ASPH: variants seen among roughly 807,000 people sequenced by gnomAD.
ASPH encodes the protein aspartyl/asparaginyl beta-hydroxylase.
ASPH carries 100 observed loss-of-function variants against 118.4 expected under a neutral mutation model. That is an observed-to-expected ratio of 0.84 (90% CI 0.72 to 1.00). The LOEUF is 1.00. Ranked by LOEUF, ASPH falls within the 50% of genes least tolerant of loss-of-function variation. The pLI, the probability that ASPH is intolerant of heterozygous loss-of-function variation, is 0.00. For missense variants in ASPH, 920 were observed against 919.5 expected (o/e 1.00, Z -0.01); for synonymous variants, 315 against 325.6 (o/e 0.97, Z 0.35).
intron 3 of ASPH, among the ~76,000 whole-genome samples, chr8:61,671,231 C>G (rs1822340065): frequency 6.6e-6 from 1 of 152,164 alleles, no homozygotes; most frequent in Non-Finnish European, 1.5e-5. Flanking sequence ...AAATTCTTAT[C>G]ATTTGCAACT....
intron 1 of ASPH, among the ~76,000 whole-genome samples, chr8:61,688,989 T>C (rs935088890): frequency 6.6e-6 from 1 of 152,236 alleles, no homozygotes; most frequent in Non-Finnish European, 1.5e-5. Flanking sequence ...AGCTGAGAGT[T>C]AGAAGCAGTT....
At chr8:61,503,539 A>G (rs1479268982) in intron 24 of ASPH, 30 bp from the exon 25 acceptor site, 1 of 1,593,268 alleles carries the variant, frequency 6.3e-7, no homozygotes, top group Non-Finnish European at 8.6e-7. Flanking sequence ...ATTCCTGAAT[A>G]TAGTTTTGTG....
At chr8:61,668,799 G>A (rs1820973430) in intron 3 of ASPH, among the ~76,000 whole-genome samples, 1 of 152,174 alleles carries the variant, frequency 6.6e-6, no homozygotes, top group African/African-American at 2.4e-5. Flanking sequence ...ACAGTATTAT[G>A]TACATACATT....
intron 12 of ASPH, among the ~76,000 whole-genome samples, chr8:61,637,222 C>T (rs539203918): frequency 6.9e-4 from 105 of 152,200 alleles, no homozygotes; most frequent in Non-Finnish European, 1.3e-3. Flanking sequence ...CACACCCCCA[C>T]GCAGAGTCAC....
rs148064193 is a variant in ASPH at position 61,642,895 on chromosome 8, C to T, written c.783G>A (p.Glu261=). 7.2e-4 allele frequency: 1,123 copies of T among 1,549,132 alleles called. 2 individuals carry two copies. The highest frequency in any genetic ancestry group is 1.5e-3 in the Admixed American group (65 of 43,274). ...DTDDVTYQVY[E]EQAVYEPLEN... is the part of the protein sequence containing the mutation. ...AAGAAAGCATTTGCAAACCTTGTTC[C>T]TCATAGACTTGGTATGTTACATCAT... Residue 261 remains glutamate, a synonymous_variant, in exon 10 of 25, where the codon GAG becomes GAA. Coordinates refer to ENST00000379454, the MANE Select transcript of ASPH (RefSeq NM_004318.4).
At chr8:61,577,813 G>C (rs958666601) in intron 15 of ASPH, among the ~76,000 whole-genome samples, 3 of 152,128 alleles carry the variant, frequency 2.0e-5, no homozygotes, top group African/African-American at 7.2e-5. Context: ...CCTTCCACCA[G>C]GTGTCTCTCT....
At position 61,513,989 on chromosome 8, in the gene ASPH, C is replaced by G. The variant is rs1809873743; in HGVS notation, c.2126+3539G>C. 1.3e-5 allele frequency among the ~76,000 whole-genome samples: 2 copies of G among 152,222 alleles called. 1 individual carries two copies. The highest frequency in any genetic ancestry group is 4.1e-4 in the South Asian group (2 of 4,822). ...GGCAGGTCTCCCAGCATCACTCCTG[C>G]ATTTGTTTTTTTGTTTTTTTAAAGA... On this transcript the variant is annotated intron_variant, in intron 24 of 24. Transcript: ENST00000379454.
chr8:61,684,092 C>G lies in ASPH; in HGVS notation c.200G>C (p.Trp67Ser). The change falls in exon 2 of 25, where the codon TGG (tryptophan) becomes TCG (serine). Residue 67 changes from tryptophan to serine, a missense_variant. Transcript: ENST00000379454. ...AAACCAAACGACAGCTACAGATGTC[C>G]AGACGCCCAGCAATGCAATCACCAT... ...WFMVIALLGV[W>S]TSVAVVWFDL... The G allele has an allele frequency of 1.2e-6, 2 of 1,613,788 alleles. No homozygotes were observed. The highest frequency in any genetic ancestry group is 1.7e-6 in the Non-Finnish European group (2 of 1,179,790).
chr8:61,546,924 C>T lies in ASPH; in HGVS notation c.1764+1147G>A, dbSNP rs531803806. ...CTAACATTATCAATATTTTGTCACT[C>T]TTCCTCTTCATCCCTGCTTCTTGCA... On this transcript the variant is annotated intron_variant, in intron 21 of 24. Transcript: ENST00000379454. Among the ~76,000 whole-genome samples the T allele has an allele frequency of 8.7e-4, 133 of 152,314 alleles. 1 individual carries two copies. Among genetic ancestry groups the T allele is most frequent in the South Asian group, 5.8e-3 (28 of 4,822 alleles).
intron 21 of ASPH, 44 bp downstream of exon 21, chr8:61,548,027 A>G: frequency 6.6e-7 from 1 of 1,522,380 alleles, no homozygotes; most frequent in Non-Finnish European, 8.9e-7. Flanking sequence ...TTGAGGAGGA[A>G]ATAGACAAAG....
intron 3 of ASPH, among the ~76,000 whole-genome samples, chr8:61,653,985 G>A (rs758962998): frequency 6.6e-5 from 10 of 152,048 alleles, no homozygotes; most frequent in South Asian, 2.1e-4. Context: ...TTTCATAAGC[G>A]ATTAATTCCT....
intron 21 of ASPH, among the ~76,000 whole-genome samples, chr8:61,540,003 G>C (rs536590610): frequency 6.6e-6 from 1 of 152,128 alleles, no homozygotes; most frequent in Non-Finnish European, 1.5e-5. Context: ...CAATTTCTAT[G>C]TTAAATAAGC....
In ASPH at chr8:61,548,152, T is replaced by C. The variant is rs375393855; in HGVS notation, c.1683A>G (p.Gln561=). Reference sequence around the variant, plus strand: ...GTCCATTCACATTGTAGAGTGAGCGTTGCCAGACAGATGCAAAGTGTCCTC... The same window carrying C: ...GTCCATTCACATTGTAGAGTGAGCGCTGCCAGACAGATGCAAAGTGTCCTC... The part of the protein sequence containing the change: ...HKRGHFASVW[Q]RSLYNVNGLK... Residue 561 remains glutamine (Q), a synonymous_variant, in exon 21 of 25, where the codon CAA becomes CAG. Coordinates refer to ENST00000379454, the MANE Select transcript of ASPH (RefSeq NM_004318.4). 8.1e-6 allele frequency: 13 copies of C among 1,613,982 alleles called. No individual in the cohort carries two copies. Among genetic ancestry groups the C allele is most frequent in the Admixed American group, 6.7e-5 (4 of 60,002 alleles).
At chr8:61,652,657 T>C (rs1344546943) in intron 4 of ASPH, among the ~76,000 whole-genome samples, 1 of 152,152 alleles carries the variant, frequency 6.6e-6, no homozygotes, top group African/African-American at 2.4e-5. Flanking sequence ...GGGGTTTTAT[T>C]TTAGTACAAA....
At chr8:61,511,909 G>A (rs947355656) in intron 24 of ASPH, among the ~76,000 whole-genome samples, 23 of 152,078 alleles carry the variant, frequency 1.5e-4, no homozygotes, top group African/African-American at 5.3e-4. Flanking sequence ...CGGCTCTAAC[G>A]AGCTTATTTT....
At chr8:61,522,262 G>A (rs901532859) in intron 22 of ASPH, among the ~76,000 whole-genome samples, 3 of 152,108 alleles carry the variant, frequency 2.0e-5, no homozygotes, top group African/African-American at 7.2e-5. Flanking sequence ...CTTGGATACT[G>A]TATCAGTTCG....
chr8:61,693,056 T>G (rs1251946719), intron 1 of ASPH, among the ~76,000 whole-genome samples: 2 of 152,102 alleles, frequency 1.3e-5, no homozygotes, highest in African/African-American at 4.8e-5. Flanking sequence ...TGTGCCTCAT[T>G]GCTGTCATCC....
intron 1 of ASPH, among the ~76,000 whole-genome samples, chr8:61,694,098 T>C (rs1343472320): frequency 1.3e-5 from 2 of 152,048 alleles, no homozygotes; most frequent in African/African-American, 4.8e-5. Flanking sequence ...CCCCAATGTA[T>C]CCTACCTCCT....
intron 20 of ASPH, among the ~76,000 whole-genome samples, chr8:61,550,389 T>C (rs1825507203): frequency 6.6e-6 from 1 of 151,886 alleles, no homozygotes; most frequent in Non-Finnish European, 1.5e-5. Flanking sequence ...ATATCAATGT[T>C]GTCTCTACTT....
Sources: gnomAD v4.1 joint callset for allele counts (sites outside exome capture counted in the v4.1 genomes callset) on GRCh38, gnomAD v4.1.1 for gene constraint, MANE v1.5 for transcripts, NCBI Gene and HGNC (gene_info 2026-07-23, HGNC 2026-07-21) for gene names.